The following SCAPER variants were observed in gnomAD, a reference collection of about 807,000 sequenced individuals.
SCAPER encodes S phase cyclin A-associated protein in the endoplasmic reticulum.
In SCAPER, 98 loss-of-function variants were observed where a neutral mutation model predicts 182.2. The ratio of observed to expected loss-of-function variants is 0.54; its 90% CI spans 0.46 to 0.64. The LOEUF (loss-of-function observed/expected upper bound fraction) is 0.64, where lower values mean the gene tolerates loss of function less well. SCAPER is among the 30% of genes least tolerant of loss of function. SCAPER has a pLI of 0.00. For synonymous variants in SCAPER, 605 were observed against 564.6 expected (o/e 1.07, Z -1.01); for missense variants, 1,432 against 1,690.0 (o/e 0.85, Z 2.68).
chr15:76,869,851 T>G (rs543698282), intron 2 of SCAPER, among the ~76,000 whole-genome samples: 1 of 152,120 alleles, frequency 6.6e-6, no homozygotes, highest in Non-Finnish European at 1.5e-5. Flanking sequence ...TCAACCTAAG[T>G]GCCATCAACA....
At chr15:76,720,280 AG>A (rs1243433594) in intron 17 of SCAPER, among the ~76,000 whole-genome samples, 1 of 152,104 alleles carries the variant, frequency 6.6e-6, no homozygotes, top group African/African-American at 2.4e-5. Flanking sequence ...ATGGCTGCAT[AG>A]TATTCCATGG....
chr15:76,512,232 T>C (rs1245892282), intron 23 of SCAPER, among the ~76,000 whole-genome samples: 1 of 152,052 alleles, frequency 6.6e-6, no homozygotes, highest in Non-Finnish European at 1.5e-5. Flanking sequence ...CAATAATTTC[T>C]CTAGTATGAT....
chr15:76,664,459 G>C (rs539578246), intron 21 of SCAPER, among the ~76,000 whole-genome samples: 5 of 152,252 alleles, frequency 3.3e-5, no homozygotes, highest in African/African-American at 1.2e-4. Context: ...TGCTGATATA[G>C]AGAAGACTAT....
intron 22 of SCAPER, among the ~76,000 whole-genome samples, chr15:76,613,102 C>A (rs1056863889): frequency 1.3e-5 from 2 of 152,082 alleles, no homozygotes; most frequent in Admixed American, 6.5e-5. Flanking sequence ...GAATAGAGCG[C>A]CCAGAAATAA....
At chr15:76,626,956 A>G (rs2052640867) in intron 21 of SCAPER, among the ~76,000 whole-genome samples, 1 of 152,242 alleles carries the variant, frequency 6.6e-6, no homozygotes, top group Non-Finnish European at 1.5e-5. Flanking sequence ...TGGTCAGAGC[A>G]AAAGATTAAA....
At chr15:76,876,274 G>A (rs565675319) in intron 2 of SCAPER, among the ~76,000 whole-genome samples, 141 of 152,200 alleles carry the variant, frequency 9.3e-4, no homozygotes, top group Non-Finnish European at 1.1e-3. Flanking sequence ...GCTCAGTGGC[G>A]GGCTGAAGGA....
intron 26 of SCAPER, among the ~76,000 whole-genome samples, chr15:76,404,914 CA>C (rs1293564008): frequency 2.0e-5 from 3 of 151,624 alleles, no homozygotes; most frequent in Non-Finnish European, 4.4e-5. Context: ...TATTATTTTT[CA>C]AGAAAAAAAT....
intron 4 of SCAPER, among the ~76,000 whole-genome samples, chr15:76,842,186 G>A (rs1385569177): frequency 6.6e-6 from 1 of 152,090 alleles, no homozygotes; most frequent in African/African-American, 2.4e-5. Context: ...ATATGCATAG[G>A]TTATATGCAA....
At chr15:76,703,098 T>C in intron 18 of SCAPER, 96 bp from the exon 19 acceptor site, 2 of 1,340,464 alleles carry the variant, frequency 1.5e-6, no homozygotes, top group African/African-American at 1.5e-5. Context: ...TCAAAAATAA[T>C]AGAATGTCGT....
chr15:76,613,395 T>C (rs1441571193), intron 22 of SCAPER, among the ~76,000 whole-genome samples: 1 of 152,168 alleles, frequency 6.6e-6, no homozygotes, highest in African/African-American at 2.4e-5. Flanking sequence ...CCAAAAGCAC[T>C]TGCAACAAAA....
chr15:76,828,058 G>A (rs965164613), intron 5 of SCAPER, among the ~76,000 whole-genome samples: 4 of 152,076 alleles, frequency 2.6e-5, no homozygotes, highest in Non-Finnish European at 5.9e-5. Flanking sequence ...AGGAGAAAGA[G>A]AGGCCTGAGC....
At chr15:76,702,262 CT>C (rs537522177) in intron 19 of SCAPER, among the ~76,000 whole-genome samples, 1 of 143,276 alleles carries the variant, frequency 7.0e-6, no homozygotes, top group Non-Finnish European at 1.5e-5. Flanking sequence ...GAAAATGTTG[CT>C]TTTTTTTTAG....
At chr15:76,582,684 A>G (rs904797030) in intron 22 of SCAPER, among the ~76,000 whole-genome samples, 1 of 152,218 alleles carries the variant, frequency 6.6e-6, no homozygotes, top group Admixed American at 6.5e-5. Context: ...GAATCACACT[A>G]TCTGACCTCA....
At chr15:76,851,855 T>C (rs2070789719) in intron 4 of SCAPER, among the ~76,000 whole-genome samples, 1 of 152,040 alleles carries the variant, frequency 6.6e-6, no homozygotes, top group Non-Finnish European at 1.5e-5. Context: ...TGAATGTAAA[T>C]GGGCTAAATG....
chr15:76,431,729 A>C (rs1045445128), intron 26 of SCAPER, among the ~76,000 whole-genome samples: 15 of 142,412 alleles, frequency 1.1e-4, no homozygotes, highest in Non-Finnish European at 2.0e-4. Context: ...AACTAGGCAG[A>C]TGTGAAATAT....
At chr15:76,674,337 T>A (rs2057235205) in intron 20 of SCAPER, among the ~76,000 whole-genome samples, 1 of 152,194 alleles carries the variant, frequency 6.6e-6, no homozygotes, top group African/African-American at 2.4e-5. Flanking sequence ...AACCTGAGTC[T>A]AAGACTCTAG....
At chr15:76,559,050 T>C (rs2046397580) in intron 23 of SCAPER, among the ~76,000 whole-genome samples, 2 of 151,994 alleles carry the variant, frequency 1.3e-5, no homozygotes, top group South Asian at 2.1e-4. Context: ...GTTTTTTTTT[T>C]CGGAGATGGA....
At position 76,348,674 on chromosome 15, in the gene SCAPER, C is replaced by T; in HGVS notation, c.4162G>A (p.Glu1388Lys). Residue 1388 changes from glutamate to lysine, a missense_variant, in exon 32 of 32, where the codon GAA (glutamate) becomes AAA (lysine). By Grantham distance (56) the Glu-to-Lys change is moderately conservative. This residue lies in a region of SCAPER where 718 missense variants were observed against 799.7 expected (regional missense o/e 0.90). Coordinates refer to ENST00000563290, the MANE Select transcript of SCAPER (RefSeq NM_020843.4). ...LANRFPQQAW[E>K]EARQFFLKKE... The stretch of plus-strand genomic sequence containing the variant: ...TTCAAGAAAAACTGTCGAGCTTCTT[C>T]CCAGGCCTGCTGAGGAAATCTGTTA... 2 of 1,555,042 alleles carry T rather than the reference C, an allele frequency of 1.3e-6. No individual in the cohort carries two copies. Among genetic ancestry groups the T allele is most frequent in the Non-Finnish European group, 1.7e-6 (2 of 1,148,000 alleles).
intron 17 of SCAPER, among the ~76,000 whole-genome samples, chr15:76,722,117 T>A (rs1340232045): frequency 6.6e-6 from 1 of 152,220 alleles, no homozygotes; most frequent in Non-Finnish European, 1.5e-5. Context: ...ACCTAATTTA[T>A]TGAGAATTTT....
Sources: allele counts gnomAD v4.1 joint callset (sites outside exome capture counted in the v4.1 genomes callset), GRCh38; gene constraint gnomAD v4.1.1; regional missense constraint gnomAD v4.1.1; transcripts MANE v1.5; gene names NCBI Gene and HGNC (gene_info 2026-07-23, HGNC 2026-07-21).